BCL2L14: variants seen among roughly 807,000 people sequenced by gnomAD.
BCL2L14 encodes the protein apoptosis facilitator Bcl-2-like protein 14.
A neutral mutation model predicts 35.3 loss-of-function variants in BCL2L14; 27 were observed. The observed-to-expected ratio is 0.76, with a 90% CI of 0.56 to 1.05. The LOEUF is 1.05. Ranked by LOEUF, BCL2L14 falls within the 50% of genes least tolerant of loss-of-function variation. The probability of loss-of-function intolerance (pLI) is 0.00; values close to 1 mark genes in which losing one functional copy is unlikely to be tolerated. For missense variants in BCL2L14, 377 were observed against 382.6 expected, an observed-to-expected ratio of 0.99 and a Z score of 0.12; for synonymous variants, 139 against 145.9, an observed-to-expected ratio of 0.95 and a Z score of 0.34.
chr12:12,078,044 TAAA>T (rs1338602753), intron 1 of BCL2L14: 5 of 395,746 alleles, frequency 1.3e-5, no homozygotes, highest in Middle Eastern at 3.9e-4. Context: ...CGTATGGAAA[TAAA>T]GAAGAAATGC....
At chr12:12,059,914 T>G (rs780273110) in intron 2 of BCL2L14, among the ~76,000 whole-genome samples, 1 of 152,286 alleles carries the variant, frequency 6.6e-6, no homozygotes, top group Non-Finnish European at 1.5e-5. Context: ...AGATGCCTGA[T>G]GTCCAGGCAT....
upstream of BCL2L14, among the ~76,000 whole-genome samples, chr12:12,069,265 G>T (rs924328005): frequency 1.3e-5 from 2 of 152,146 alleles, no homozygotes; most frequent in East Asian, 3.9e-4. Flanking sequence ...GTCTTCAAGT[G>T]ATCCTCCTGG....
At chr12:12,071,786 C>G (rs1332528859) in intron 1 of BCL2L14, 1 of 152,210 alleles carries the variant, frequency 6.6e-6, no homozygotes, top group Non-Finnish European at 1.5e-5. Context: ...GAGGCTCTGT[C>G]TAGCATTCAG....
Position 12,087,300 on chromosome 12 carries a change from G to T in BCL2L14, c.521G>T (p.Gly174Val). Residue 174 changes from glycine (G) to valine (V), a missense_variant, in exon 3 of 6, where the codon GGC becomes GTC. Coordinates refer to ENST00000308721, the MANE Select transcript of BCL2L14 (RefSeq NM_138723.2). ...CCACCACAAGCGACCCAGGCAGGAG[G>T]CTTCAAGTCCAAAGAGATTTTTGTA... ...WPPPQATQAG[G>V]FKSKEIFVTE... 1 of 1,614,236 alleles carries T rather than the reference G, an allele frequency of 6.2e-7. No homozygotes were observed. The highest frequency in any genetic ancestry group is 8.5e-7 in the Non-Finnish European group (1 of 1,180,030).
chr12:12,052,820 A>G (rs1948376343), intron 2 of BCL2L14, among the ~76,000 whole-genome samples: 1 of 152,174 alleles, frequency 6.6e-6, no homozygotes. Context: ...GCCCTGAACG[A>G]GATAATTTCT....
chr12:12,073,023 A>G (rs1176799730), intron 1 of BCL2L14, among the ~76,000 whole-genome samples: 2 of 151,998 alleles, frequency 1.3e-5, no homozygotes, highest in East Asian at 3.9e-4. Context: ...AGTGGCTGGG[A>G]CTGCAGGTGC....
intron 4 of BCL2L14, among the ~76,000 whole-genome samples, chr12:12,092,956 C>T (rs1449398055): frequency 3.3e-5 from 5 of 152,196 alleles, no homozygotes; most frequent in Non-Finnish European, 7.3e-5. Context: ...TATTTTGTCC[C>T]TGCTCACTCA....
At chr12:12,065,548 AAAG>A (rs1216179065) in intron 2 of BCL2L14, among the ~76,000 whole-genome samples, 4 of 151,346 alleles carry the variant, frequency 2.6e-5, no homozygotes, top group African/African-American at 9.7e-5. Flanking sequence ...AAAAAAAAAA[AAAG>A]AAGAAGAAGT....
rs1055293599 is a variant in BCL2L14 at position 12,099,573 on chromosome 12, C to G, written c.*585C>G. The G allele has an allele frequency of 2.6e-5, 4 of 152,418 alleles. No individual in the cohort carries two copies. Among genetic ancestry groups the G allele is most frequent in the Non-Finnish European group, 5.9e-5 (4 of 68,128 alleles). The allele number at this position is 152,418 out of a possible 1,614,324, so 9.4% of individuals were successfully genotyped here. On this transcript the variant is annotated 3_prime_UTR_variant, in exon 6 of 6. Transcript: ENST00000308721. ...TACAAAATTTTTACTCCAACACCCC[C>G]TCAACCCTTTTCTCAGGGACCACAC...
chr12:12,080,109 G>A (rs1193432345), intron 2 of BCL2L14, among the ~76,000 whole-genome samples: 1 of 152,034 alleles, frequency 6.6e-6, no homozygotes, highest in Non-Finnish European at 1.5e-5. Context: ...GGAGGCTGAG[G>A]CAGGAGAATG....
At chr12:12,061,205 C>T (rs546777522) in intron 2 of BCL2L14, among the ~76,000 whole-genome samples, 1 of 151,276 alleles carries the variant, frequency 6.6e-6, no homozygotes, top group African/African-American at 2.4e-5. Context: ...TACAGCCACA[C>T]CTAATTACCA....
rs553049457 is a variant in BCL2L14, at chr12:12,052,451, C to T, written c.-272+604C>T. Among the ~76,000 whole-genome samples the T allele has an allele frequency of 3.3e-5, 5 of 152,308 alleles. No individual in the cohort carries two copies. The South Asian group carries it at 1.0e-3, about 32-fold the overall frequency. Reference sequence around the variant, plus strand: ...TGAGATCAACTTTCTCAGATCCTACCTATGAGTGAGATCGTGCAATATTTG... The same window carrying T: ...TGAGATCAACTTTCTCAGATCCTACTTATGAGTGAGATCGTGCAATATTTG... On this transcript the variant is annotated intron_variant, in intron 2 of 3. Transcript: ENST00000461264.
In BCL2L14 at chr12:12,095,003, TA is replaced by T. The variant is rs1463888661; in HGVS notation, c.945+76del. ...ATGGGATGGATTTTTTTTTTTTTTT[TA>T]AATGAAGGGAACACATCTATGAAGC... On this transcript the variant is annotated intron_variant, in intron 5 of 5. Transcript: ENST00000308721. 3.7e-4 allele frequency: 524 copies of T among 1,421,686 alleles called. 1 individual carries two copies. The African/African-American group carries it at 7.1e-3, about 19-fold the overall frequency. The allele number at this position is 1,421,686 out of a possible 1,614,324, so 88.1% of individuals were successfully genotyped here.
At chr12:12,066,860 A>G (rs771409859), upstream of BCL2L14, among the ~76,000 whole-genome samples, 9 of 151,578 alleles carry the variant, frequency 5.9e-5, no homozygotes, top group Admixed American at 1.3e-4. Flanking sequence ...ACAGGCGCCC[A>G]CCACCATGTC....
Position 12,091,794 on chromosome 12 carries a change from G to A in BCL2L14, c.678+945G>A, listed in dbSNP as rs1414710590. ...TTTGGGACCACAAGTAGAGGGTGGA[G>A]AGGGGTGCAGAGGAAGCAAGAGATG... On this transcript the variant is annotated intron_variant, in intron 4 of 5. Transcript: ENST00000308721. Among the ~76,000 whole-genome samples, 3 of 152,212 alleles carry A rather than the reference G, an allele frequency of 2.0e-5. No individual in the cohort carries two copies. In the East Asian group the frequency reaches 5.8e-4, roughly 29 times the overall value.
chr12:12,068,229 G>T (rs552317153), upstream of BCL2L14: 45 of 398,382 alleles, frequency 1.1e-4, no homozygotes, highest in Non-Finnish European at 1.8e-4. Flanking sequence ...GCAGGTATGA[G>T]CCACTGTGCA....
intron 2 of BCL2L14, among the ~76,000 whole-genome samples, chr12:12,059,001 G>A (rs2430598): frequency 0.45 from 67,934 of 151,948 alleles, 16,662 homozygotes; most frequent in African/African-American, 0.66. Context: ...CAATCTTGGC[G>A]CCACACTTCA....
At chr12:12,063,697 C>A (rs918388235) in intron 2 of BCL2L14, among the ~76,000 whole-genome samples, 2 of 152,148 alleles carry the variant, frequency 1.3e-5, no homozygotes, top group African/African-American at 4.8e-5. Context: ...GGCCTCTGAG[C>A]CCAAGCTAAG....
intron 2 of BCL2L14, among the ~76,000 whole-genome samples, chr12:12,062,918 A>G (rs1322165800): frequency 2.0e-5 from 3 of 152,212 alleles, no homozygotes. Context: ...TTTTAAAAAC[A>G]CACCTCACCA....
Sources: allele counts gnomAD v4.1 joint callset (sites outside exome capture counted in the v4.1 genomes callset), GRCh38; gene constraint gnomAD v4.1.1; transcripts MANE v1.5; gene names NCBI Gene and HGNC (gene_info 2026-07-23, HGNC 2026-07-21).